REC114: variants seen among roughly 807,000 people sequenced by gnomAD.
REC114 encodes the protein REC114 meiotic recombination protein.
A neutral mutation model predicts 31.3 loss-of-function variants in REC114; 27 were observed. That is an observed-to-expected ratio of 0.86 (90% CI 0.64 to 1.19). The LOEUF (loss-of-function observed/expected upper bound fraction) is 1.19. REC114 is among the 50% of genes most tolerant of loss of function. REC114 has a pLI of 0.00. For missense variants in REC114, 344 were observed against 326.9 expected, an observed-to-expected ratio of 1.05 and a Z score of -0.40; for synonymous variants, 134 against 127.7, an observed-to-expected ratio of 1.05 and a Z score of -0.33.
intron 1 of REC114, among the ~76,000 whole-genome samples, chr15:73,458,948 G>T (rs1325860585): frequency 6.6e-6 from 1 of 152,204 alleles, no homozygotes; most frequent in African/African-American, 2.4e-5. Flanking sequence ...CTGCCACACA[G>T]TTCTCTTCTG....
At chr15:73,510,017 G>A (rs373330714) in intron 2 of REC114, among the ~76,000 whole-genome samples, 4 of 151,974 alleles carry the variant, frequency 2.6e-5, no homozygotes, top group Admixed American at 6.6e-5. Flanking sequence ...CATTGAATCT[G>A]TAAATTACCT....
intron 5 of REC114, 42 bp downstream of exon 5, chr15:73,556,433 C>T: frequency 6.7e-7 from 1 of 1,503,472 alleles, no homozygotes. Flanking sequence ...TCATGAGAAG[C>T]AGTGACCCCT....
chr15:73,493,271 T>G (rs1272451115), intron 2 of REC114, among the ~76,000 whole-genome samples: 1 of 152,218 alleles, frequency 6.6e-6, no homozygotes, highest in African/African-American at 2.4e-5. Context: ...TCCTTGTTTA[T>G]TTATTCTTTA....
At chr15:73,550,810 G>A (rs879729959) in intron 3 of REC114, 128 bp from the exon 4 acceptor site, 50 of 790,040 alleles carry the variant, frequency 6.3e-5, no homozygotes, top group Non-Finnish European at 9.6e-5. Flanking sequence ...GCATCAATAA[G>A]TGAAGATGAC....
At chr15:73,508,286 T>C (rs1216021994) in intron 2 of REC114, among the ~76,000 whole-genome samples, 1 of 152,166 alleles carries the variant, frequency 6.6e-6, no homozygotes, top group African/African-American at 2.4e-5. Flanking sequence ...TAAATTTTAA[T>C]ATATTGTGTG....
intron 2 of REC114, among the ~76,000 whole-genome samples, chr15:73,523,757 G>C (rs548346786): frequency 6.6e-6 from 1 of 152,160 alleles, no homozygotes; most frequent in South Asian, 2.1e-4. Flanking sequence ...TGTGTCCTCT[G>C]TTTCTACCCC....
chr15:73,462,842 G>A (rs1893007318), intron 1 of REC114, among the ~76,000 whole-genome samples: 1 of 139,740 alleles, frequency 7.2e-6, no homozygotes, highest in Non-Finnish European at 1.5e-5. Flanking sequence ...CCGAGATCGT[G>A]CCATTGCACT....
intron 2 of REC114, among the ~76,000 whole-genome samples, chr15:73,503,171 T>C (rs527378275): frequency 6.6e-6 from 1 of 152,358 alleles, no homozygotes; most frequent in South Asian, 2.1e-4. Context: ...CTTAGGTATT[T>C]ATTCAAGAGA....
At chr15:73,463,547 G>A (rs1057465466) in intron 1 of REC114, among the ~76,000 whole-genome samples, 20 of 152,258 alleles carry the variant, frequency 1.3e-4, no homozygotes, top group African/African-American at 4.3e-4. Flanking sequence ...TAAGCTGGGC[G>A]CTGTGCTTCA....
intron 2 of REC114, among the ~76,000 whole-genome samples, chr15:73,482,248 G>A (rs187370113): frequency 6.6e-6 from 1 of 152,310 alleles, no homozygotes; most frequent in East Asian, 1.9e-4. Context: ...TGAAGGTGGG[G>A]CCTGTAGGAG....
intron 1 of REC114, among the ~76,000 whole-genome samples, chr15:73,459,422 C>T (rs940475081): frequency 5.3e-5 from 8 of 151,806 alleles, no homozygotes; most frequent in African/African-American, 1.2e-4. Flanking sequence ...TCAGTAGAGA[C>T]GGTTTCACCA....
Position 73,541,774 on chromosome 15 carries a change from A to T in REC114, c.333+1206A>T, listed in dbSNP as rs935236197. Among the ~76,000 whole-genome samples, 4 of 49,740 alleles carry T rather than the reference A, an allele frequency of 8.0e-5. No homozygotes were observed. The South Asian group carries it at 4.9e-3, about 61-fold the overall frequency. The allele number at this position is 49,740 out of a possible 152,430, so 32.6% of individuals were successfully genotyped here. On this transcript the variant is annotated intron_variant, in intron 3 of 5. Transcript: ENST00000331090. ...CATATCATACTGAATGAATGTATAG[A>T]TCTCTGAAAAAGTTATACATGCTGT...
At chr15:73,513,259 C>A (rs1360081083) in intron 2 of REC114, among the ~76,000 whole-genome samples, 4 of 151,926 alleles carry the variant, frequency 2.6e-5, no homozygotes, top group African/African-American at 4.8e-5. Context: ...CTTCTGCATT[C>A]TTCACATAGT....
intron 5 of REC114, among the ~76,000 whole-genome samples, chr15:73,559,038 A>C: frequency 6.6e-6 from 1 of 152,234 alleles, no homozygotes; most frequent in East Asian, 1.9e-4. Context: ...TAAGTGTAAG[A>C]AGCCAGATTC....
intron 2 of REC114, among the ~76,000 whole-genome samples, chr15:73,514,903 T>C (rs1033331260): frequency 5.3e-5 from 8 of 151,422 alleles, no homozygotes; most frequent in Non-Finnish European, 5.9e-5. Flanking sequence ...AGTGCTCTAA[T>C]GGGCACTACT....
intron 1 of REC114, among the ~76,000 whole-genome samples, chr15:73,453,803 G>C (rs1892882769): frequency 6.6e-6 from 1 of 152,156 alleles, no homozygotes; most frequent in Non-Finnish European, 1.5e-5. Flanking sequence ...AAAAGGATGA[G>C]TTCATGTCCT....
At position 73,551,097 on chromosome 15, in the gene REC114, G is replaced by A; in HGVS notation, c.493G>A (p.Ala165Thr). 1 of 1,613,254 alleles carries A rather than the reference G, an allele frequency of 6.2e-7. No individual in the cohort carries two copies. Among genetic ancestry groups the A allele is most frequent in the Non-Finnish European group, 8.5e-7 (1 of 1,179,572 alleles). Reference protein sequence around the residue: ...ELQLIPGPPRATESQGKDSAK... With the variant: ...ELQLIPGPPRTTESQGKDSAK... ...TCAGCTGATTCCTGGCCCACCCAGG[G>A]CAACTGAAAGTCAAGGGAAGGATTC... Residue 165 changes from alanine to threonine, a missense_variant, in exon 4 of 6, where the codon GCA becomes ACA. Ala to Thr is a moderately conservative substitution (Grantham distance 58). Coordinates refer to ENST00000331090, the MANE Select transcript of REC114 (RefSeq NM_001042367.2).
At chr15:73,527,891 A>G (rs1003929615) in intron 2 of REC114, among the ~76,000 whole-genome samples, 2 of 151,742 alleles carry the variant, frequency 1.3e-5, no homozygotes, top group African/African-American at 4.9e-5. Context: ...ACGGGGGGGA[A>G]AAAAAGGCAT....
chr15:73,489,295 C>A (rs1416119984), intron 2 of REC114, among the ~76,000 whole-genome samples: 1 of 151,458 alleles, frequency 6.6e-6, no homozygotes, highest in Non-Finnish European at 1.5e-5. Context: ...CCTCTGCCTC[C>A]CAGGTTCAAG....
Sources: gnomAD v4.1 joint callset for allele counts (sites outside exome capture counted in the v4.1 genomes callset) on GRCh38, gnomAD v4.1.1 for gene constraint, MANE v1.5 for transcripts, NCBI Gene and HGNC (gene_info 2026-07-23, HGNC 2026-07-21) for gene names.